Variants in MTBP observed in about 807,000 individuals in gnomAD.
The protein encoded by MTBP is mdm2-binding protein.
MTBP carries 101 observed loss-of-function variants against 117.0 expected under a neutral mutation model. That is an observed-to-expected ratio of 0.86 (90% CI 0.73 to 1.02). MTBP has a LOEUF of 1.02. Among genes scored for constraint, MTBP ranks in the 50% least tolerant of loss-of-function variants. MTBP has a pLI of 0.00. For synonymous variants in MTBP, 350 were observed against 351.5 expected (o/e 1.00, Z 0.05); for missense variants, 970 against 1,030.9 (o/e 0.94, Z 0.81).
intron 14 of MTBP, 143 bp from the exon 15 acceptor site, chr8:120,502,349 C>A: frequency 2.1e-6 from 1 of 470,270 alleles, no homozygotes. Flanking sequence ...TCAGAGAGGT[C>A]TTTAATAAAT....
In MTBP at chr8:120,446,494, A is replaced by G. The variant is rs1454267301; in HGVS notation, c.180A>G (p.Pro60=). The G allele has an allele frequency of 1.3e-6, 2 of 1,591,708 alleles. No individual in the cohort carries two copies. Among genetic ancestry groups the G allele is most frequent in the East Asian group, 2.2e-5 (1 of 44,698 alleles). ...GAAGCATTAGTGCTTCAATTAATCC[A>G]GAAGATAGTACTTTCCCTGGTAAGT... ...LKRSISASIN[P]EDSTFPACSV... Residue 60 remains proline (P), a synonymous_variant, in exon 2 of 22, where the codon CCA becomes CCG. Transcript: ENST00000305949.
chr8:120,518,388 A>G (rs572546924), intron 19 of MTBP, among the ~76,000 whole-genome samples: 1 of 152,132 alleles, frequency 6.6e-6, no homozygotes, highest in South Asian at 2.1e-4. Flanking sequence ...GAAATTTCCC[A>G]TAATAAAAAA....
chr8:120,479,504 A>G (rs1814025655), intron 11 of MTBP, among the ~76,000 whole-genome samples: 2 of 152,214 alleles, frequency 1.3e-5, no homozygotes, highest in South Asian at 4.1e-4. Flanking sequence ...TAACTTGACT[A>G]CCAACCTTTA....
chr8:120,516,331 CT>C, intron 18 of MTBP, 140 bp downstream of exon 18: 1 of 771,314 alleles, frequency 1.3e-6, no homozygotes, highest in Non-Finnish European at 2.0e-6. Context: ...GATAATTTTG[CT>C]TATAAGTTAT....
chr8:120,521,200 C>A (rs1270458635), intron 20 of MTBP, among the ~76,000 whole-genome samples: 2 of 151,970 alleles, frequency 1.3e-5, no homozygotes, highest in Admixed American at 1.3e-4. Context: ...TACATTTAGC[C>A]CATTTATTGC....
At chr8:120,506,499 T>G (rs72678302) in intron 15 of MTBP, among the ~76,000 whole-genome samples, 3,610 of 152,310 alleles carry the variant, frequency 0.024, 55 homozygotes, top group Middle Eastern at 0.11. Context: ...CTAAAGATTT[T>G]TTAAAACATA....
intron 13 of MTBP, among the ~76,000 whole-genome samples, chr8:120,495,384 T>C (rs1406699527): frequency 6.6e-6 from 1 of 152,196 alleles, no homozygotes; most frequent in East Asian, 1.9e-4. Context: ...AATCATTGTC[T>C]CTAGAAGGTT....
rs1814964676 is a variant in MTBP, at chr8:120,518,738, AAC to A, written c.2535_2536del (p.His845GlnfsTer7). 2 of 1,611,310 alleles carry A rather than the reference AAC, an allele frequency of 1.2e-6. No individual in the cohort carries two copies. The highest frequency in any genetic ancestry group is 1.7e-4 in the Middle Eastern group (1 of 6,040). ...GAAGTAGTTACTGAAACCCTGAAGA[AAC>A]ACAGTATTACCGAGACTCATGAATG... On this transcript the variant is annotated frameshift_variant, in exon 20 of 22. Coordinates refer to ENST00000305949, the MANE Select transcript of MTBP (RefSeq NM_022045.5). LOFTEE classifies it high-confidence loss of function.
intron 20 of MTBP, among the ~76,000 whole-genome samples, chr8:120,519,727 A>G (rs1281680611): frequency 6.6e-6 from 1 of 152,170 alleles, no homozygotes; most frequent in Non-Finnish European, 1.5e-5. Flanking sequence ...AGTGAGAAGC[A>G]TGTTAATTCC....
At chr8:120,458,821 A>G (rs947685668) in intron 7 of MTBP, among the ~76,000 whole-genome samples, 1 of 149,792 alleles carries the variant, frequency 6.7e-6, no homozygotes, top group Admixed American at 6.8e-5. Flanking sequence ...AGCCTGGGCC[A>G]CAAGAGTGAA....
intron 5 of MTBP, among the ~76,000 whole-genome samples, chr8:120,454,999 A>G (rs1191385639): frequency 6.6e-6 from 1 of 151,900 alleles, no homozygotes; most frequent in Non-Finnish European, 1.5e-5. Context: ...TTTGAACATT[A>G]CAGTTTTGCA....
rs779143464 is a variant in MTBP at position 120,456,664 on chromosome 8, A to G, written c.741A>G (p.Glu247=). The change falls in exon 7 of 22, where the codon GAA becomes GAG. Residue 247 remains glutamate, a synonymous_variant. Coordinates refer to ENST00000305949, the MANE Select transcript of MTBP (RefSeq NM_022045.5). The stretch of plus-strand genomic sequence containing the variant: ...GGAGGGGGAAAATACAGATATGGGA[A>G]AGAAAGGTAAATGGATTATTCACAG... The part of the protein sequence containing the change: ...ELWRGKIQIW[E]RKFGFEISFP... The G allele has an allele frequency of 4.6e-6, 7 of 1,527,918 alleles. No homozygotes were observed. The African/African-American group carries it at 8.3e-5, about 18-fold the overall frequency. 94.6% of individuals were successfully genotyped at this position (1,527,918 alleles called of 1,614,324 possible).
Position 120,488,230 on chromosome 8 carries a change from T to C in MTBP, c.1237T>C (p.Cys413Arg). Residue 413 changes from cysteine to arginine, a missense_variant, in exon 12 of 22, where the codon TGT (cysteine) becomes CGT (arginine). Cys to Arg is a radical substitution (Grantham distance 180, BLOSUM62 -3). Coordinates refer to ENST00000305949, the MANE Select transcript of MTBP (RefSeq NM_022045.5). The stretch of plus-strand genomic sequence containing the variant: ...GTTACAAGGTAATGGCAATAGAAGA[T>C]GTAAAGCCACATTGATTCACTCAGC... ...LLLQGNGNRR[C>R]KATLIHSANQ... The C allele has an allele frequency of 6.3e-7, 1 of 1,597,754 alleles. No homozygotes were observed. The highest frequency in any genetic ancestry group is 8.5e-7 in the Non-Finnish European group (1 of 1,174,250).
At chr8:120,519,174 ATG>A (rs1458596869) in intron 20 of MTBP, among the ~76,000 whole-genome samples, 1 of 149,300 alleles carries the variant, frequency 6.7e-6, no homozygotes, top group East Asian at 2.0e-4. Context: ...CAAATTGAAA[ATG>A]TTCTGAAAAA....
intron 12 of MTBP, 62 bp downstream of exon 12, chr8:120,488,394 G>A: frequency 8.1e-7 from 1 of 1,238,074 alleles, no homozygotes; most frequent in Non-Finnish European, 1.1e-6. Context: ...GTTAGCATAT[G>A]TGGCTTTAAG....
intron 11 of MTBP, among the ~76,000 whole-genome samples, chr8:120,480,501 AAAC>A (rs1301869578): frequency 3.3e-5 from 5 of 152,186 alleles, no homozygotes; most frequent in Admixed American, 6.5e-5. Flanking sequence ...TGAAAAGGAA[AAAC>A]AACATTTGAG....
intron 4 of MTBP, among the ~76,000 whole-genome samples, chr8:120,453,088 T>C (rs1192134595): frequency 6.6e-6 from 1 of 152,188 alleles, no homozygotes; most frequent in Non-Finnish European, 1.5e-5. Context: ...TAGTCAAGAC[T>C]GTTAAATACC....
At chr8:120,518,510 A>G (rs1234368285) in intron 19 of MTBP, among the ~76,000 whole-genome samples, 194 bp from the exon 20 acceptor site, 1 of 151,732 alleles carries the variant, frequency 6.6e-6, no homozygotes, top group Non-Finnish European at 1.5e-5. Context: ...TCCTGCTAAC[A>G]TATTATTCCT....
intron 15 of MTBP, among the ~76,000 whole-genome samples, chr8:120,505,293 G>C (rs1199490407): frequency 6.6e-6 from 1 of 151,936 alleles, no homozygotes; most frequent in Non-Finnish European, 1.5e-5. Context: ...CATACTTTAG[G>C]GTATCAGCAG....
Sources: allele counts gnomAD v4.1 joint callset (sites outside exome capture counted in the v4.1 genomes callset), GRCh38; gene constraint gnomAD v4.1.1; transcripts MANE v1.5; gene names NCBI Gene and HGNC (gene_info 2026-07-23, HGNC 2026-07-21).